Variants in FTO observed in about 807,000 individuals in gnomAD.
FTO encodes the protein FTO alpha-ketoglutarate dependent dioxygenase.
Under a neutral mutation model 63.9 loss-of-function variants are expected in FTO, and 47 were observed. The ratio of observed to expected loss-of-function variants is 0.74; its 90% CI spans 0.58 to 0.94. FTO has a LOEUF of 0.94. FTO is among the 40% of genes least tolerant of loss of function. The probability of loss-of-function intolerance (pLI) is 0.00; values close to 1 mark genes in which losing one functional copy is unlikely to be tolerated. For synonymous variants in FTO, 207 were observed against 224.4 expected, an observed-to-expected ratio of 0.92 and a Z score of 0.69; for missense variants, 562 against 618.1, an observed-to-expected ratio of 0.91 and a Z score of 0.96.
chr16:53,729,759 T>C (rs1432980449), intron 1 of FTO, among the ~76,000 whole-genome samples: 1 of 151,990 alleles, frequency 6.6e-6, no homozygotes, highest in Non-Finnish European at 1.5e-5. Context: ...CTTTCTAGAC[T>C]CTTCTCCTCC....
At chr16:53,926,440 G>A (rs2082138780) in intron 7 of FTO, among the ~76,000 whole-genome samples, 1 of 152,232 alleles carries the variant, frequency 6.6e-6, no homozygotes, top group South Asian at 2.1e-4. Flanking sequence ...CACTTCCGTG[G>A]CATGTTGCCA....
At chr16:54,082,600 T>G (rs147921982) in intron 8 of FTO, among the ~76,000 whole-genome samples, 124 of 152,338 alleles carry the variant, frequency 8.1e-4, no homozygotes, top group African/African-American at 2.7e-3. Context: ...ACCTCAGGGT[T>G]TGCTGATAGC....
chr16:53,958,033 G>A (rs536674715), intron 8 of FTO, among the ~76,000 whole-genome samples: 1 of 152,328 alleles, frequency 6.6e-6, no homozygotes, highest in Non-Finnish European at 1.5e-5. Flanking sequence ...GAACATAGTA[G>A]TGTGGTTTCA....
chr16:53,811,986 G>A (rs1156335761), intron 2 of FTO, among the ~76,000 whole-genome samples: 2 of 151,872 alleles, frequency 1.3e-5, no homozygotes, highest in African/African-American at 4.8e-5. Flanking sequence ...CTAATTTTTT[G>A]TATTTTTGTA....
intron 1 of FTO, among the ~76,000 whole-genome samples, chr16:53,719,671 T>A (rs2151484858): frequency 6.6e-6 from 1 of 151,848 alleles, no homozygotes; most frequent in East Asian, 1.9e-4. Flanking sequence ...TTGAATTTGT[T>A]TATGCTCTAA....
chr16:53,810,753 G>A (rs1795748487), intron 2 of FTO, among the ~76,000 whole-genome samples: 1 of 152,176 alleles, frequency 6.6e-6, no homozygotes, highest in East Asian at 1.9e-4. Context: ...AAAATAAGGG[G>A]AATTTATTGA....
intron 3 of FTO, among the ~76,000 whole-genome samples, chr16:53,827,067 G>A (rs1368833275): frequency 6.6e-6 from 1 of 152,156 alleles, no homozygotes; most frequent in Non-Finnish European, 1.5e-5. Context: ...GGTTTTGTAA[G>A]CAGACAGTCC....
intron 7 of FTO, among the ~76,000 whole-genome samples, chr16:53,928,886 C>T (rs2082213018): frequency 6.6e-6 from 1 of 151,918 alleles, no homozygotes; most frequent in Admixed American, 6.6e-5. Flanking sequence ...CTCTGTTGCC[C>T]AGGCTGGAGT....
chr16:54,028,577 CTT>C (rs2084765890), intron 8 of FTO, among the ~76,000 whole-genome samples: 1 of 152,154 alleles, frequency 6.6e-6, no homozygotes, highest in Non-Finnish European at 1.5e-5. Flanking sequence ...GATTACAACT[CTT>C]TCCATGTCAC....
At chr16:53,942,052 T>A (rs936514620) in intron 8 of FTO, among the ~76,000 whole-genome samples, 2 of 152,244 alleles carry the variant, frequency 1.3e-5, no homozygotes, top group Non-Finnish European at 2.9e-5. Context: ...CTTTATTAAT[T>A]TTGAAGAGGA....
chr16:54,060,774 G>T lies in FTO; in HGVS notation c.1365-50988G>T, dbSNP rs192752158. Reference sequence around the variant, plus strand: ...TATCTATGGCATGTACTTTATGGAGGTATTTTGTTTGGTCTATTGCGGCAG... The same window carrying T: ...TATCTATGGCATGTACTTTATGGAGTTATTTTGTTTGGTCTATTGCGGCAG... On this transcript the variant is annotated intron_variant, in intron 8 of 8. Coordinates refer to ENST00000471389, the MANE Select transcript of FTO (RefSeq NM_001080432.3). Among the ~76,000 whole-genome samples the T allele has an allele frequency of 1.5e-4, 23 of 152,270 alleles. No individual in the cohort carries two copies. In the East Asian group the frequency reaches 4.3e-3, roughly 28 times the overall value.
At chr16:54,014,828 C>G (rs1414701065) in intron 8 of FTO, among the ~76,000 whole-genome samples, 2 of 145,212 alleles carry the variant, frequency 1.4e-5, no homozygotes, top group African/African-American at 2.5e-5. Context: ...TATTTTAAAT[C>G]TCCTACTTTC....
At chr16:54,109,896 G>A (rs1467919814) in intron 8 of FTO, among the ~76,000 whole-genome samples, 3 of 152,170 alleles carry the variant, frequency 2.0e-5, no homozygotes, top group Non-Finnish European at 4.4e-5. Flanking sequence ...TGCCAGCCAG[G>A]ATAATGTGTG....
At chr16:53,718,497 T>G in intron 1 of FTO, among the ~76,000 whole-genome samples, 1 of 152,092 alleles carries the variant, frequency 6.6e-6, no homozygotes, top group East Asian at 1.9e-4. Flanking sequence ...TTTCAGTAAT[T>G]ATACTCTCCT....
chr16:53,884,777 CCTCTT>C (rs1386997237), intron 6 of FTO, among the ~76,000 whole-genome samples: 28 of 152,190 alleles, frequency 1.8e-4, no homozygotes, highest in Non-Finnish European at 3.1e-4. Context: ...ATTTCTTTCT[CCTCTT>C]CTAGGCTTAT....
At chr16:53,879,711 AAAG>A (rs1265152142) in intron 5 of FTO, 130 bp from the exon 6 acceptor site, 4 of 831,682 alleles carry the variant, frequency 4.8e-6, no homozygotes, top group South Asian at 1.6e-5. Context: ...AAAAAAAAAA[AAAG>A]GAGTATAGAC....
intron 8 of FTO, among the ~76,000 whole-genome samples, chr16:53,980,951 G>A (rs1272408265): frequency 6.6e-6 from 1 of 152,140 alleles, no homozygotes; most frequent in Non-Finnish European, 1.5e-5. Context: ...AGTATAAACA[G>A]AGTGTAGCCA....
chr16:53,788,415 C>T (rs2077808222), intron 1 of FTO, among the ~76,000 whole-genome samples: 1 of 151,848 alleles, frequency 6.6e-6, no homozygotes, highest in African/African-American at 2.4e-5. Flanking sequence ...CCAGCCTGGC[C>T]AACATGGTGA....
intron 1 of FTO, among the ~76,000 whole-genome samples, chr16:53,726,871 A>G (rs2076165848): frequency 6.6e-6 from 1 of 152,172 alleles, no homozygotes; most frequent in Admixed American, 6.5e-5. Context: ...ATTGGCCTGC[A>G]ACATGCTTGT....
Sources: allele counts gnomAD v4.1 joint callset (sites outside exome capture counted in the v4.1 genomes callset), GRCh38; gene constraint gnomAD v4.1.1; transcripts MANE v1.5; gene names NCBI Gene and HGNC (gene_info 2026-07-23, HGNC 2026-07-21).